The following CPLANE1 variants were observed in gnomAD, a reference collection of about 807,000 sequenced individuals.
CPLANE1 encodes ciliogenesis and planar polarity effector complex subunit 1.
CPLANE1 carries 263 observed loss-of-function variants against 362.5 expected under a neutral mutation model. The observed-to-expected ratio is 0.73, with a 90% CI of 0.66 to 0.80. CPLANE1 has a LOEUF of 0.80. Ranked by LOEUF, CPLANE1 falls within the 30% of genes least tolerant of loss-of-function variation. The probability of loss-of-function intolerance (pLI) is 0.00; values close to 1 mark genes in which losing one functional copy is unlikely to be tolerated. For missense variants in CPLANE1, 3,461 were observed against 3,793.4 expected (o/e 0.91, Z 2.30); for synonymous variants, 1,212 against 1,302.6 (o/e 0.93, Z 1.50).
At chr5:37,242,967 GA>G in intron 6 of CPLANE1, 45 bp downstream of exon 6, 59 of 1,360,106 alleles carry the variant, frequency 4.3e-5, no homozygotes, top group Middle Eastern at 1.8e-4. Flanking sequence ...GCCTCCAAAA[GA>G]AAAAAAAATC....
rs1197686499 is a variant in CPLANE1, at chr5:37,213,628, T to G, written c.2851A>C (p.Thr951Pro). The G allele has an allele frequency of 6.5e-7, 1 of 1,547,518 alleles. No homozygotes were observed. ...SMARFMAAYFTNQQLCILPPH... is the reference protein window; with the variant it reads ...SMARFMAAYFPNQQLCILPPH... Reference sequence around the variant, plus strand: ...GGCAAAATGCAAAGCTGCTGATTGGTGAAATAGGCAGCCATGAAACGAGCC... The same window carrying G: ...GGCAAAATGCAAAGCTGCTGATTGGGGAAATAGGCAGCCATGAAACGAGCC... Residue 951 changes from threonine to proline, a missense_variant, in exon 16 of 53, where the codon ACC becomes CCC. By Grantham distance (38) the Thr-to-Pro change is conservative (BLOSUM62 -1). Around this residue, in one of 2 missense-constraint regions of CPLANE1, gnomAD observed 3,380 missense variants for 3,666.1 expected, o/e 0.92. Transcript: ENST00000651892.
At chr5:37,194,979 C>T (rs543985800) in intron 21 of CPLANE1, among the ~76,000 whole-genome samples, 1 of 151,424 alleles carries the variant, frequency 6.6e-6, no homozygotes. Context: ...GGTGAAACCC[C>T]GTCTCTACTA....
intron 51 of CPLANE1, among the ~76,000 whole-genome samples, 189 bp downstream of exon 51, chr5:37,114,771 G>T (rs972312925): frequency 6.6e-6 from 1 of 151,806 alleles, no homozygotes; most frequent in African/African-American, 2.4e-5. Flanking sequence ...GCGGTGGTGG[G>T]CACCTGTAAT....
At chr5:37,165,004 G>T (rs949885097) in intron 36 of CPLANE1, among the ~76,000 whole-genome samples, 1 of 152,096 alleles carries the variant, frequency 6.6e-6, no homozygotes, top group Non-Finnish European at 1.5e-5. Context: ...TATTTGGGAG[G>T]CTGAAGCAGG....
Position 37,169,215 on chromosome 5 carries a change from G to A in CPLANE1, c.6809C>T (p.Ala2270Val), listed in dbSNP as rs1224174978. The A allele has an allele frequency of 6.2e-7, 1 of 1,614,130 alleles. No homozygotes were observed. The highest frequency in any genetic ancestry group is 8.5e-7 in the Non-Finnish European group (1 of 1,180,002). Residue 2270 changes from alanine (A) to valine (V), a missense_variant, in exon 34 of 53, where the codon GCT becomes GTT. Around this residue, in one of 2 missense-constraint regions of CPLANE1, gnomAD observed 3,380 missense variants for 3,666.1 expected, o/e 0.92. Coordinates refer to ENST00000651892, the MANE Select transcript of CPLANE1 (RefSeq NM_001384732.1). Reference protein sequence around the residue: ...AWGLSDSFQPALPQRAAQTTP... With the variant: ...AWGLSDSFQPVLPQRAAQTTP... ...AGTTTGTGCTGCTCTCTGTGGCAGA[G>A]CAGGTTGGAAGGAGTCAGATAATCC...
At position 37,128,625 on chromosome 5, in the gene CPLANE1, G is replaced by A. The variant is rs962427490; in HGVS notation, c.8793-3216C>T. Among the ~76,000 whole-genome samples the A allele has an allele frequency of 5.3e-5, 8 of 152,076 alleles. No individual in the cohort carries two copies. The East Asian group carries it at 9.6e-4, about 18-fold the overall frequency. ...TAATCCCAGCACTTTGGGAGGGGCC[G>A]AGATGGGTGGATCACCTGAGGTCAG... On this transcript the variant is annotated intron_variant, in intron 46 of 52. Transcript: ENST00000651892.
At chr5:37,131,749 C>T (rs1183680668) in intron 46 of CPLANE1, among the ~76,000 whole-genome samples, 1 of 152,080 alleles carries the variant, frequency 6.6e-6, no homozygotes, top group African/African-American at 2.4e-5. Context: ...ACAGGCTGGT[C>T]TCGAACTCCT....
chr5:37,098,923 CAAA>C, the CPLANE1 span, among the ~76,000 whole-genome samples: 7 of 52,062 alleles, frequency 1.3e-4, no homozygotes, highest in Non-Finnish European at 1.9e-4. Flanking sequence ...ATGCCTACAT[CAAA>C]AAAAAAAAAA....
intron 8 of CPLANE1, among the ~76,000 whole-genome samples, chr5:37,237,812 T>G (rs1474380617): frequency 6.6e-6 from 1 of 151,996 alleles, no homozygotes; most frequent in Non-Finnish European, 1.5e-5. Flanking sequence ...ATCACACCAC[T>G]GCACTCCAGC....
downstream of CPLANE1, among the ~76,000 whole-genome samples, chr5:37,101,951 C>T (rs1579710494): frequency 6.6e-6 from 1 of 151,856 alleles, no homozygotes; most frequent in South Asian, 2.1e-4. Flanking sequence ...GTGATATCCC[C>T]CTTATCATTT....
intron 49 of CPLANE1, 94 bp downstream of exon 49, chr5:37,121,523 G>A: frequency 9.1e-7 from 1 of 1,104,970 alleles, no homozygotes; most frequent in Non-Finnish European, 1.3e-6. Context: ...CAGGGTAAAT[G>A]CAAATGCACT....
At chr5:37,105,461 A>C (rs1334892883), downstream of CPLANE1, among the ~76,000 whole-genome samples, 1 of 152,238 alleles carries the variant, frequency 6.6e-6, no homozygotes, top group African/African-American at 2.4e-5. Flanking sequence ...CAAGAAAACT[A>C]GATGTCTATT....
At chr5:37,110,864 G>A (rs1363501760) in intron 51 of CPLANE1, among the ~76,000 whole-genome samples, 1 of 145,194 alleles carries the variant, frequency 6.9e-6, no homozygotes, top group Non-Finnish European at 1.5e-5. Context: ...CTGGAGTGCA[G>A]TGGCACTATC....
chr5:37,209,859 A>G lies in CPLANE1; in HGVS notation c.2921-3434T>C. Reference sequence around the variant, plus strand: ...TAATATGGAAACTCAGACAAGTTCGACATTTAGCAGAGATTCTCTGGCTGA... The same window carrying G: ...TAATATGGAAACTCAGACAAGTTCGGCATTTAGCAGAGATTCTCTGGCTGA... On this transcript the variant is annotated intron_variant, in intron 16 of 52. Transcript: ENST00000651892. This position sits in a 1 kb window ranked among gnomAD's most constrained non-coding sequence, Gnocchi z 4.6. 1.2e-5 allele frequency: 17 copies of G among 1,372,306 alleles called. No individual in the cohort carries two copies. Among genetic ancestry groups the G allele is most frequent in the Non-Finnish European group, 1.5e-5 (14 of 961,918 alleles). 85.0% of individuals were successfully genotyped at this position (1,372,306 alleles called of 1,614,324 possible).
chr5:37,243,047 T>A lies in CPLANE1; in HGVS notation c.643A>T (p.Ile215Phe), dbSNP rs1305198780. The change falls in exon 6 of 53, where the codon ATT (isoleucine) becomes TTT (phenylalanine). Residue 215 changes from isoleucine to phenylalanine, a missense_variant. Around this residue, in one of 2 missense-constraint regions of CPLANE1, gnomAD observed 3,380 missense variants for 3,666.1 expected, o/e 0.92. Transcript: ENST00000651892. Reference sequence around the variant, plus strand: ...GTAAATACATTCTCATGCCACCGAATTGCTAGAAATGTTAACTTCAGGCAT... The same window carrying A: ...GTAAATACATTCTCATGCCACCGAAATGCTAGAAATGTTAACTTCAGGCAT... Reference protein sequence around the residue: ...GECLKLTFLAIRWHENVFTSV... With the variant: ...GECLKLTFLAFRWHENVFTSV... 18 of 1,547,316 alleles carry A rather than the reference T, an allele frequency of 1.2e-5. No individual in the cohort carries two copies. The highest frequency in any genetic ancestry group is 2.0e-5 in the Admixed American group (1 of 50,266).
intron 31 of CPLANE1, among the ~76,000 whole-genome samples, chr5:37,175,617 T>C (rs554750229): frequency 1.2e-4 from 19 of 152,290 alleles, no homozygotes; most frequent in African/African-American, 4.6e-4. Context: ...AAGCTGAAAA[T>C]GAGCAACAAC....
At chr5:37,082,768 A>C in the CPLANE1 span, among the ~76,000 whole-genome samples, 9 of 75,014 alleles carry the variant, frequency 1.2e-4, no homozygotes, top group African/African-American at 2.7e-4. Context: ...GTGGAAACCC[A>C]AAAAAAAAAA....
chr5:37,201,526 A>T, intron 19 of CPLANE1, 65 bp downstream of exon 19: 1 of 1,317,330 alleles, frequency 7.6e-7, no homozygotes, highest in Non-Finnish European at 1.1e-6. Context: ...TTATCAAGTT[A>T]ATTATTTTAA....
intron 44 of CPLANE1, chr5:37,141,656 T>C: frequency 1.0e-6 from 1 of 982,522 alleles, no homozygotes. Flanking sequence ...ATCATTTTAA[T>C]TGACCATCAA....
Sources: allele counts gnomAD v4.1 joint callset (sites outside exome capture counted in the v4.1 genomes callset), GRCh38; gene constraint gnomAD v4.1.1; regional missense constraint gnomAD v4.1.1; non-coding constraint Gnocchi (gnomAD v3.1); transcripts MANE v1.5; gene names NCBI Gene and HGNC (gene_info 2026-07-23, HGNC 2026-07-21).